BICD1: variants seen among roughly 807,000 people sequenced by gnomAD.
BICD1 encodes BICD cargo adaptor 1, also known as protein bicaudal D homolog 1.
Under a neutral mutation model 92.5 loss-of-function variants are expected in BICD1, and 35 were observed. The observed-to-expected ratio is 0.38, with a 90% CI of 0.29 to 0.50. The LOEUF (loss-of-function observed/expected upper bound fraction) is 0.50, where lower values mean the gene tolerates loss of function less well. BICD1 is among the 20% of genes least tolerant of loss of function. The pLI, the probability that BICD1 is intolerant of heterozygous loss-of-function variation, is 0.93. For synonymous variants in BICD1, 429 were observed against 465.1 expected, an observed-to-expected ratio of 0.92 and a Z score of 1.00; for missense variants, 950 against 1,189.8, an observed-to-expected ratio of 0.80 and a Z score of 2.97.
At chr12:32,112,001 CTTTT>C (rs35592483) in intron 1 of BICD1, among the ~76,000 whole-genome samples, 1 of 97,094 alleles carries the variant, frequency 1.0e-5, no homozygotes, top group Non-Finnish European at 2.0e-5. Flanking sequence ...TGCACTATCC[CTTTT>C]TTTTTTTTTT....
chr12:32,156,727 T>C (rs145281739), intron 1 of BICD1, among the ~76,000 whole-genome samples: 52 of 152,326 alleles, frequency 3.4e-4, no homozygotes, highest in African/African-American at 1.2e-3. Flanking sequence ...CTTGGTATTA[T>C]TTACCCCACG....
At chr12:32,219,803 G>A (rs1285116214) in intron 2 of BICD1, among the ~76,000 whole-genome samples, 2 of 152,024 alleles carry the variant, frequency 1.3e-5, no homozygotes, top group African/African-American at 4.8e-5. Flanking sequence ...TTGTATATAT[G>A]TTTTTAATGG....
intron 8 of BICD1, among the ~76,000 whole-genome samples, chr12:32,357,860 A>G (rs1939178563): frequency 6.6e-6 from 1 of 152,164 alleles, no homozygotes; most frequent in South Asian, 2.1e-4. Context: ...CTTCAAATAC[A>G]GTTGCATTCT....
chr12:32,260,305 CT>C (rs1946825432), intron 2 of BICD1, among the ~76,000 whole-genome samples: 1 of 152,184 alleles, frequency 6.6e-6, no homozygotes, highest in Non-Finnish European at 1.5e-5. Flanking sequence ...AGATTTCTGG[CT>C]TCTTTTGGAA....
At chr12:32,135,600 T>C (rs1942709053) in intron 1 of BICD1, among the ~76,000 whole-genome samples, 1 of 151,942 alleles carries the variant, frequency 6.6e-6, no homozygotes, top group Admixed American at 6.6e-5. Flanking sequence ...AACACTTCAC[T>C]ATATTGGCTG....
intron 1 of BICD1, among the ~76,000 whole-genome samples, chr12:32,173,826 A>T (rs925051412): frequency 6.6e-6 from 1 of 152,228 alleles, no homozygotes; most frequent in Non-Finnish European, 1.5e-5. Context: ...TATTTTTGGA[A>T]TTCAGTCAAC....
chr12:32,284,221 C>T (rs918600932), intron 2 of BICD1, among the ~76,000 whole-genome samples: 7 of 152,194 alleles, frequency 4.6e-5, no homozygotes, highest in South Asian at 2.1e-4. Context: ...GGAGAGAAGG[C>T]CTGTTCCCAC....
chr12:32,161,182 A>G (rs956131058), intron 1 of BICD1, among the ~76,000 whole-genome samples: 1 of 152,190 alleles, frequency 6.6e-6, no homozygotes, highest in Admixed American at 6.5e-5. Flanking sequence ...TTAGCCTGAA[A>G]ACACTCCTTG....
At chr12:32,254,440 C>T (rs1306665653) in intron 2 of BICD1, among the ~76,000 whole-genome samples, 3 of 152,234 alleles carry the variant, frequency 2.0e-5, no homozygotes, top group Non-Finnish European at 2.9e-5. Flanking sequence ...TTTGTAGGTG[C>T]TCAGTGAATA....
chr12:32,365,745 A>G (rs189568700), intron 8 of BICD1, among the ~76,000 whole-genome samples: 1 of 152,366 alleles, frequency 6.6e-6, no homozygotes, highest in East Asian at 1.9e-4. Flanking sequence ...TACCACTCAG[A>G]TAGGCAGGAA....
intron 1 of BICD1, among the ~76,000 whole-genome samples, chr12:32,111,037 ATGT>A (rs1941669791): frequency 6.6e-6 from 1 of 152,202 alleles, no homozygotes; most frequent in Non-Finnish European, 1.5e-5. Flanking sequence ...GAAATTTAAA[ATGT>A]TGTAAAGTTG....
At chr12:32,108,293 ATATATT>A (rs1272090206) in intron 1 of BICD1, 4 of 189,532 alleles carry the variant, frequency 2.1e-5, no homozygotes, top group Non-Finnish European at 3.3e-5. Context: ...GGTTGAAATG[ATATATT>A]TATAAAACCA....
At chr12:32,281,726 A>T (rs1052546960) in intron 2 of BICD1, among the ~76,000 whole-genome samples, 1 of 152,138 alleles carries the variant, frequency 6.6e-6, no homozygotes, top group Non-Finnish European at 1.5e-5. Context: ...ATGAACTCAA[A>T]TATATGAAAT....
chr12:32,320,959 A>C (rs1275518537), intron 4 of BICD1, among the ~76,000 whole-genome samples: 1 of 152,222 alleles, frequency 6.6e-6, no homozygotes, highest in Non-Finnish European at 1.5e-5. Context: ...AAATTAAAAT[A>C]GTAACACTTA....
At chr12:32,131,057 A>T (rs1397189452) in intron 1 of BICD1, among the ~76,000 whole-genome samples, 1 of 151,458 alleles carries the variant, frequency 6.6e-6, no homozygotes, top group Non-Finnish European at 1.5e-5. Flanking sequence ...CTGGTCTCGA[A>T]CTCCTGACCT....
chr12:32,210,972 G>T (rs326630), intron 1 of BICD1, among the ~76,000 whole-genome samples: 151,625 of 152,360 alleles, frequency 1, 75,455 homozygotes, highest in Middle Eastern at 1. Flanking sequence ...CAGACGAGTC[G>T]GGTAAATCAG....
intron 2 of BICD1, among the ~76,000 whole-genome samples, chr12:32,269,210 G>A (rs893308285): frequency 6.6e-6 from 1 of 151,976 alleles, no homozygotes; most frequent in African/African-American, 2.4e-5. Context: ...TATTAATACT[G>A]AATGACAAGT....
intron 6 of BICD1, 70 bp downstream of exon 6, chr12:32,334,737 C>T: frequency 6.6e-7 from 1 of 1,516,654 alleles, no homozygotes; most frequent in South Asian, 1.3e-5. Context: ...ACAGCCCTGC[C>T]TTTGTGCATG....
chr12:32,342,956 C>A (rs145341622), intron 8 of BICD1, among the ~76,000 whole-genome samples: 1 of 152,148 alleles, frequency 6.6e-6, no homozygotes, highest in Admixed American at 6.5e-5. Context: ...TTAGTACAAC[C>A]TTTTAAGGGA....
Sources: allele counts gnomAD v4.1 joint callset (sites outside exome capture counted in the v4.1 genomes callset), GRCh38; gene constraint gnomAD v4.1.1; transcripts MANE v1.5; gene names NCBI Gene and HGNC (gene_info 2026-07-23, HGNC 2026-07-21).